EVL: variants seen among roughly 807,000 people sequenced by gnomAD.
EVL encodes Enah/Vasp-like, also known as ena/VASP-like protein.
In EVL, 21 loss-of-function variants were observed where a neutral mutation model predicts 59.6. That is an observed-to-expected ratio of 0.35 (90% confidence interval 0.25 to 0.51). The LOEUF is 0.51. Among genes scored for constraint, EVL ranks in the 20% least tolerant of loss-of-function variants. The pLI is 0.97. For missense variants in EVL, 462 were observed against 546.6 expected, an observed-to-expected ratio of 0.85 and a Z score of 1.54; for synonymous variants, 198 against 203.5, an observed-to-expected ratio of 0.97 and a Z score of 0.23.
At chr14:100,016,477 T>C (rs2061051235) in intron 1 of EVL, among the ~76,000 whole-genome samples, 1 of 152,180 alleles carries the variant, frequency 6.6e-6, no homozygotes, top group Non-Finnish European at 1.5e-5. Context: ...TGCAGTGAGC[T>C]GAGATTGCGC....
chr14:100,034,327 C>A (rs981001830), intron 1 of EVL, among the ~76,000 whole-genome samples: 22 of 151,858 alleles, frequency 1.4e-4, no homozygotes, highest in African/African-American at 4.8e-4. Context: ...TCTGAGAAGT[C>A]TTATGGGAAG....
upstream of EVL, among the ~76,000 whole-genome samples, chr14:100,061,742 G>A (rs1333239788): frequency 6.6e-6 from 1 of 151,932 alleles, no homozygotes; most frequent in Non-Finnish European, 1.5e-5. Context: ...TACATACTTT[G>A]TATATTATGT....
At chr14:100,035,233 T>G (rs184124284) in intron 1 of EVL, among the ~76,000 whole-genome samples, 6 of 152,340 alleles carry the variant, frequency 3.9e-5, no homozygotes, top group Middle Eastern at 3.4e-3. Flanking sequence ...TTCACTGTAT[T>G]GTACCCTGGT....
At chr14:100,023,580 G>A (rs1223973867) in intron 1 of EVL, among the ~76,000 whole-genome samples, 1 of 151,644 alleles carries the variant, frequency 6.6e-6, no homozygotes, top group Non-Finnish European at 1.5e-5. Flanking sequence ...CCCTGCCTCG[G>A]CCTCCCAAAG....
intron 1 of EVL, among the ~76,000 whole-genome samples, chr14:100,010,717 C>CGTACCTCT (rs372107691): frequency 2.0e-5 from 3 of 152,174 alleles, no homozygotes; most frequent in African/African-American, 7.2e-5. Context: ...TTTGTTTGTT[C>CGTACCTCT]GTACCTCTGT....
At chr14:100,139,006 T>C (rs535438726) in intron 11 of EVL, 40 of 152,130 alleles carry the variant, frequency 2.6e-4, no homozygotes, top group African/African-American at 8.9e-4. Context: ...AGGAAGAGGG[T>C]GTGGGGGAGC....
chr14:100,013,420 A>G (rs1254482354), intron 1 of EVL, among the ~76,000 whole-genome samples: 3 of 152,226 alleles, frequency 2.0e-5, no homozygotes, highest in African/African-American at 7.2e-5. Context: ...CATCCCCACA[A>G]AATACATGCT....
intron 3 of EVL, among the ~76,000 whole-genome samples, chr14:100,116,260 A>G (rs994855754): frequency 1.3e-5 from 2 of 152,244 alleles, no homozygotes; most frequent in African/African-American, 4.8e-5. Flanking sequence ...AGCCAGAAAG[A>G]TGGCAGAGCA....
Position 100,143,867 on chromosome 14 carries a change from C to T in EVL, c.*129C>T, listed in dbSNP as rs908964664. On this transcript the variant is annotated 3_prime_UTR_variant, in exon 14 of 14. Coordinates refer to ENST00000392920, the MANE Select transcript of EVL (RefSeq NM_016337.3). ...GCCTGGGCGCGCTGCTGTGAAACGTCCTGACCTGTGATCACACATGACAGT... is the reference window on the plus strand; with the variant it reads ...GCCTGGGCGCGCTGCTGTGAAACGTTCTGACCTGTGATCACACATGACAGT... 5.3e-6 allele frequency: 6 copies of T among 1,122,322 alleles called. No individual in the cohort carries two copies. In the African/African-American group the frequency reaches 9.3e-5, roughly 17 times the overall value. The allele number at this position is 1,122,322 out of a possible 1,614,324, so 69.5% of individuals were successfully genotyped here. A position where few individuals can be genotyped will look rare whatever the true frequency, so the allele number is the denominator to read the frequency against.
At chr14:100,052,002 CG>C (rs2061655452) in intron 1 of EVL, among the ~76,000 whole-genome samples, 1 of 152,168 alleles carries the variant, frequency 6.6e-6, no homozygotes, top group Non-Finnish European at 1.5e-5. Flanking sequence ...TTTGAAAACT[CG>C]TTGGCCCTAA....
intron 1 of EVL, among the ~76,000 whole-genome samples, chr14:100,067,411 A>G (rs1264915819): frequency 6.6e-6 from 1 of 152,216 alleles, no homozygotes; most frequent in Admixed American, 6.5e-5. Flanking sequence ...TCTTGAGTGC[A>G]TGACAACGTA....
intron 1 of EVL, among the ~76,000 whole-genome samples, chr14:100,032,105 G>C (rs1489418543): frequency 6.6e-6 from 1 of 152,220 alleles, no homozygotes; most frequent in Non-Finnish European, 1.5e-5. Context: ...AGTGGTGGTT[G>C]GATGTATTTT....
chr14:100,098,695 G>A (rs1237261885), intron 3 of EVL, among the ~76,000 whole-genome samples: 1 of 152,178 alleles, frequency 6.6e-6, no homozygotes, highest in Non-Finnish European at 1.5e-5. Flanking sequence ...CCTGCCATCG[G>A]CTGGAGAGCC....
chr14:100,003,597 A>C (rs973968038), intron 1 of EVL, among the ~76,000 whole-genome samples: 16 of 151,968 alleles, frequency 1.1e-4, no homozygotes, highest in Non-Finnish European at 2.9e-5. Flanking sequence ...TTGTATTTTT[A>C]GTAGAGACGG....
chr14:100,135,726 T>TC (rs1595250508), intron 8 of EVL, 179 bp from the exon 9 acceptor site: 10 of 594,200 alleles, frequency 1.7e-5, no homozygotes, highest in South Asian at 9.9e-5. Flanking sequence ...CTGGCTCGAT[T>TC]CTCTCCCCAC....
chr14:100,066,523 C>G (rs1455402209), intron 1 of EVL: 2 of 152,220 alleles, frequency 1.3e-5, no homozygotes, highest in Non-Finnish European at 2.9e-5. Flanking sequence ...ATAGGTAGAA[C>G]TTGTCCAGGG....
intron 1 of EVL, among the ~76,000 whole-genome samples, chr14:99,990,499 T>G (rs879344409): frequency 4.6e-5 from 7 of 152,108 alleles, no homozygotes; most frequent in African/African-American, 7.2e-5. Context: ...TAATTCCCAC[T>G]TTCCCTCTCC....
At chr14:100,056,790 A>G (rs1236130047) in intron 1 of EVL, among the ~76,000 whole-genome samples, 1 of 152,158 alleles carries the variant, frequency 6.6e-6, no homozygotes, top group Non-Finnish European at 1.5e-5. Flanking sequence ...TCCCCTTTTC[A>G]TATCACTAGT....
chr14:100,141,249 G>A lies in EVL; in HGVS notation c.1161+3G>A. 1.2e-6 allele frequency: 2 copies of A among 1,613,726 alleles called. No homozygotes were observed. Among genetic ancestry groups the A allele is most frequent in the Non-Finnish European group, 1.7e-6 (2 of 1,179,916 alleles). ...TCGACTTGGACCGGATGAAGCAGGT[G>A]AGCATGCCCTGTGCCCTTCCCTCAA... On this transcript the variant is annotated splice_donor_region_variant and intron_variant, in intron 12 of 13. Coordinates refer to ENST00000392920, the MANE Select transcript of EVL (RefSeq NM_016337.3).
Sources: gnomAD v4.1 joint callset for allele counts (sites outside exome capture counted in the v4.1 genomes callset) on GRCh38, gnomAD v4.1.1 for gene constraint, MANE v1.5 for transcripts, NCBI Gene and HGNC (gene_info 2026-07-23, HGNC 2026-07-21) for gene names.